Variants in PTPRZ1 observed in about 807,000 individuals in gnomAD.
The protein encoded by PTPRZ1 is receptor-type tyrosine-protein phosphatase zeta.
A neutral mutation model predicts 214.1 loss-of-function variants in PTPRZ1; 82 were observed. The ratio of observed to expected loss-of-function variants is 0.38; its 90% CI spans 0.32 to 0.46. The LOEUF is 0.46. Ranked by LOEUF, PTPRZ1 falls within the 20% of genes least tolerant of loss-of-function variation. PTPRZ1 has a pLI of 1.00. For missense variants in PTPRZ1, 2,603 were observed against 2,748.7 expected, an observed-to-expected ratio of 0.95 and a Z score of 1.19; for synonymous variants, 945 against 987.9, an observed-to-expected ratio of 0.96 and a Z score of 0.81.
intron 12 of PTPRZ1, 37 bp downstream of exon 12, chr7:122,013,926 T>C (rs1227869832): frequency 1.4e-6 from 2 of 1,475,076 alleles, no homozygotes; most frequent in East Asian, 2.3e-5. Context: ...TGAGGTGTGG[T>C]GGTTTGCTTG....
intron 11 of PTPRZ1, among the ~76,000 whole-genome samples, chr7:122,009,815 C>A (rs1449493559): frequency 6.6e-6 from 1 of 152,064 alleles, no homozygotes; most frequent in East Asian, 1.9e-4. Flanking sequence ...AAACCAAACA[C>A]CTCTTTTAGT....
At position 122,010,879 on chromosome 7, in the gene PTPRZ1, C is replaced by T. The variant is rs771908516; in HGVS notation, c.1833C>T (p.Ser611=). The T allele has an allele frequency of 1.5e-5, 25 of 1,613,822 alleles. No homozygotes were observed. The highest frequency in any genetic ancestry group is 6.7e-5 in the African/African-American group (5 of 74,894). ...ENISQGYIFS[S]ENPETITYDV... ...TATCCCAAGGGTATATATTTTCCTCCGAAAACCCAGAGACAATAACATATG... is the reference window on the plus strand; with the variant it reads ...TATCCCAAGGGTATATATTTTCCTCTGAAAACCCAGAGACAATAACATATG... Residue 611 remains serine, a synonymous_variant, in exon 12 of 30, where the codon TCC becomes TCT. Transcript: ENST00000393386.
chr7:121,903,729 C>G (rs1409368256), intron 1 of PTPRZ1, among the ~76,000 whole-genome samples: 1 of 152,074 alleles, frequency 6.6e-6, no homozygotes, highest in African/African-American at 2.4e-5. Flanking sequence ...CAAACTTCAC[C>G]TTTTACTCAT....
chr7:122,033,985 C>A, intron 15 of PTPRZ1, 110 bp from the exon 16 acceptor site: 1 of 919,686 alleles, frequency 1.1e-6, no homozygotes, highest in South Asian at 1.5e-5. Context: ...GTATTTATTG[C>A]ATGATCATAG....
chr7:121,967,986 C>A lies in PTPRZ1; in HGVS notation c.160C>A (p.Pro54Thr), dbSNP rs1157657571. Residue 54 changes from proline to threonine, a missense_variant, in exon 3 of 30, where the codon CCA (proline) becomes ACA (threonine). By Grantham distance (38) the Pro-to-Thr change is conservative. Around this residue, in one of 6 missense-constraint regions of PTPRZ1, gnomAD observed 141 missense variants for 143.7 expected, o/e 0.98. Coordinates refer to ENST00000393386, the MANE Select transcript of PTPRZ1 (RefSeq NM_002851.3). ...LNQKNWGKKY[P>T]TCNSPKQSPI... The stretch of plus-strand genomic sequence containing the variant: ...TCAAAAAAATTGGGGAAAGAAATAT[C>A]CAACATGTAATAGCCCAAAACAATC... 1 of 1,590,018 alleles carries A rather than the reference C, an allele frequency of 6.3e-7. No homozygotes were observed. The highest frequency in any genetic ancestry group is 1.1e-5 in the South Asian group (1 of 88,126).
At chr7:122,047,049 T>C (rs1307672937) in intron 23 of PTPRZ1, among the ~76,000 whole-genome samples, 2 of 152,154 alleles carry the variant, frequency 1.3e-5, no homozygotes, top group Non-Finnish European at 2.9e-5. Context: ...CGGAATATAC[T>C]AGGATCCAAA....
At chr7:122,004,943 G>T (rs1367404335) in intron 11 of PTPRZ1, among the ~76,000 whole-genome samples, 1 of 151,904 alleles carries the variant, frequency 6.6e-6, no homozygotes, top group East Asian at 1.9e-4. Flanking sequence ...TTATAGCTAT[G>T]CACTACAGCT....
chr7:122,054,854 G>C lies in PTPRZ1; in HGVS notation c.6382-87G>C, dbSNP rs116686697. 1,475 of 1,318,628 alleles carry C rather than the reference G, an allele frequency of 1.1e-3. 17 individuals are homozygous for C. In the African/African-American group the frequency reaches 0.018, roughly 16 times the overall value. 81.7% of individuals were successfully genotyped at this position (1,318,628 alleles called of 1,614,324 possible). ...AAGAAAAATTGGAGTTGAAATTTCT[G>C]TGCCAACCAATTAACTTTATTTCAC... On this transcript the variant is annotated intron_variant, in intron 26 of 29. Transcript: ENST00000393386.
intron 27 of PTPRZ1, among the ~76,000 whole-genome samples, chr7:122,057,770 C>G (rs954960337): frequency 2.7e-5 from 4 of 150,476 alleles, no homozygotes; most frequent in Non-Finnish European, 5.9e-5. Context: ...TAAAAAAATA[C>G]CTTTTACCCT....
At chr7:121,916,521 T>C (rs956348557) in intron 1 of PTPRZ1, among the ~76,000 whole-genome samples, 1 of 152,162 alleles carries the variant, frequency 6.6e-6, no homozygotes, top group Non-Finnish European at 1.5e-5. Flanking sequence ...AAATAAATAA[T>C]ATCTAACCCC....
chr7:122,038,999 G>A, intron 19 of PTPRZ1, 110 bp downstream of exon 19: 1 of 1,204,788 alleles, frequency 8.3e-7, no homozygotes, highest in Non-Finnish European at 1.2e-6. Flanking sequence ...GAGTTATTTG[G>A]GATTCTTTTT....
intron 1 of PTPRZ1, among the ~76,000 whole-genome samples, chr7:121,915,866 T>C (rs1795409457): frequency 6.6e-6 from 1 of 152,218 alleles, no homozygotes; most frequent in South Asian, 2.1e-4. Context: ...TTCCAAGGTG[T>C]AAATCCTTTC....
chr7:121,908,367 A>T, intron 1 of PTPRZ1: 2 of 264,126 alleles, frequency 7.6e-6, no homozygotes, highest in Non-Finnish European at 1.5e-5. Flanking sequence ...CCCTTTGGAA[A>T]AGAATATCAA....
At chr7:121,884,092 GA>G in intron 1 of PTPRZ1, among the ~76,000 whole-genome samples, 1 of 143,982 alleles carries the variant, frequency 6.9e-6, no homozygotes, top group East Asian at 2.2e-4. Flanking sequence ...CTTATGTAAT[GA>G]AAAAATATAG....
intron 2 of PTPRZ1, among the ~76,000 whole-genome samples, chr7:121,935,539 GTTTTTTTT>G (rs1432784755): frequency 4.2e-5 from 5 of 118,554 alleles, no homozygotes; most frequent in Non-Finnish European, 6.9e-5. Flanking sequence ...GTTTTTTGGG[GTTTTTTTT>G]GTTTGTTTGT....
At chr7:122,022,313 A>G (rs1354322223) in intron 13 of PTPRZ1, among the ~76,000 whole-genome samples, 3 of 152,206 alleles carry the variant, frequency 2.0e-5, no homozygotes, top group East Asian at 3.8e-4. Context: ...ACAGTTGTAT[A>G]TCTTTTTTTG....
At chr7:122,020,439 A>T (rs994421011) in intron 13 of PTPRZ1, among the ~76,000 whole-genome samples, 1 of 152,326 alleles carries the variant, frequency 6.6e-6, no homozygotes, top group Non-Finnish European at 1.5e-5. Context: ...AGTGTAAACT[A>T]AAATGTAGGA....
Position 122,010,950 on chromosome 7 carries a change from C to A in PTPRZ1, c.1904C>A (p.Thr635Asn). ...ESARNASEDS[T>N]SSGSEESLKD... ...GCTAGAAATGCTTCCGAAGATTCAA[C>A]TTCATCAGGTTCAGAAGAATCACTA... Residue 635 changes from threonine (T) to asparagine (N), a missense_variant, in exon 12 of 30, where the codon ACT becomes AAT. By Grantham distance (65) the Thr-to-Asn change is moderately conservative. This residue lies in a region of PTPRZ1 where 1,913 missense variants were observed against 1,914.3 expected (regional missense o/e 1.00). Coordinates refer to ENST00000393386, the MANE Select transcript of PTPRZ1 (RefSeq NM_002851.3). 2 of 1,614,128 alleles carry A rather than the reference C, an allele frequency of 1.2e-6. No individual in the cohort carries two copies. The highest frequency in any genetic ancestry group is 1.7e-6 in the Non-Finnish European group (2 of 1,180,014).
Position 121,998,012 on chromosome 7 carries a change from T to A in PTPRZ1, c.1240+6T>A, listed in dbSNP as rs771243536. ...CATGCCTACTGATAATCCTGGTAAG[T>A]GCCACCAGATACATCTATATATTAA... On this transcript the variant is annotated splice_donor_region_variant and intron_variant, in intron 10 of 29. Coordinates refer to ENST00000393386, the MANE Select transcript of PTPRZ1 (RefSeq NM_002851.3). 1 of 1,611,488 alleles carries A rather than the reference T, an allele frequency of 6.2e-7. No homozygotes were observed. The highest frequency in any genetic ancestry group is 1.7e-5 in the Admixed American group (1 of 59,692).
Sources: gnomAD v4.1 joint callset for allele counts (sites outside exome capture counted in the v4.1 genomes callset) on GRCh38, gnomAD v4.1.1 for gene constraint, gnomAD v4.1.1 regional missense constraint, MANE v1.5 for transcripts, NCBI Gene and HGNC (gene_info 2026-07-23, HGNC 2026-07-21) for gene names.